Variants in MBP observed in about 807,000 individuals in gnomAD.
The protein encoded by MBP is Golli-MBP.
Under a neutral mutation model 35.8 loss-of-function variants are expected in MBP, and 16 were observed. The ratio of observed to expected loss-of-function variants is 0.45; its 90% CI spans 0.30 to 0.68. The LOEUF is 0.68. MBP is among the 30% of genes least tolerant of loss of function. The pLI is 0.08. For synonymous variants in MBP, 143 were observed against 159.6 expected, an observed-to-expected ratio of 0.90 and a Z score of 0.78; for missense variants, 380 against 404.7, an observed-to-expected ratio of 0.94 and a Z score of 0.52.
chr18:76,984,488 G>A, intron 8 of MBP: 1 of 385,388 alleles, frequency 2.6e-6, no homozygotes. Flanking sequence ...ACTCCAGCTG[G>A]GCCCTGCCCC....
rs149575527 is a variant in MBP at position 77,125,023 on chromosome 18, G to A, written c.-26+7557C>T. 5.5e-3 allele frequency among the ~76,000 whole-genome samples: 837 copies of A among 152,250 alleles called. 7 individuals are homozygous for A. The highest frequency in any genetic ancestry group is 0.019 in the African/African-American group (799 of 41,544). On this transcript the variant is annotated intron_variant, in intron 1 of 8. Coordinates refer to ENST00000355994, the MANE Select transcript of MBP (RefSeq NM_001025101.2). ...TCCTCTGAGGTCCCGGCTCCTGCCC[G>A]TTTCTGCACGCTTCTCTTTTTAGAT...
intron 2 of MBP, among the ~76,000 whole-genome samples, chr18:77,074,008 C>T (rs1974551451): frequency 6.6e-6 from 1 of 152,190 alleles, no homozygotes; most frequent in African/African-American, 2.4e-5. Flanking sequence ...CCACTAAGGC[C>T]AGGAGTAGTG....
intron 3 of MBP, among the ~76,000 whole-genome samples, chr18:77,065,375 C>T (rs1974153539): frequency 6.6e-6 from 1 of 152,120 alleles, no homozygotes; most frequent in African/African-American, 2.4e-5. Flanking sequence ...GGGGCCCCAC[C>T]CCAATGACCT....
At chr18:77,015,581 A>C (rs1277855062) in intron 4 of MBP, 5 of 985,498 alleles carry the variant, frequency 5.1e-6, no homozygotes, top group Non-Finnish European at 6.0e-6. Flanking sequence ...AATGTCATTT[A>C]CAAATAAGTC....
intron 2 of MBP, among the ~76,000 whole-genome samples, chr18:77,094,176 A>T (rs1274117757): frequency 6.6e-6 from 1 of 152,086 alleles, no homozygotes; most frequent in Non-Finnish European, 1.5e-5. Context: ...GGTTTTCACC[A>T]TGTTGGCCAG....
chr18:77,119,601 A>G (rs557947268), intron 1 of MBP, among the ~76,000 whole-genome samples: 183 of 152,266 alleles, frequency 1.2e-3, no homozygotes, highest in African/African-American at 4.1e-3. Context: ...CTCTTACCTC[A>G]AGCCGCGCCC....
At chr18:77,058,658 G>A (rs1973841359) in intron 3 of MBP, among the ~76,000 whole-genome samples, 1 of 152,230 alleles carries the variant, frequency 6.6e-6, no homozygotes, top group Non-Finnish European at 1.5e-5. Flanking sequence ...GGTGCCCAGA[G>A]CCATTTTAAT....
intron 1 of MBP, among the ~76,000 whole-genome samples, 189 bp from the exon 2 acceptor site, chr18:77,105,475 T>C (rs1263369769): frequency 1.3e-5 from 2 of 152,226 alleles, no homozygotes; most frequent in Admixed American, 1.3e-4. Context: ...TTCCATCCCA[T>C]GCAAAGAGCT....
chr18:76,989,631 G>A lies in MBP; in HGVS notation c.681+325C>T, dbSNP rs146943821. ...CTGTGCTCTCTCTGCTGCCCCCTCC[G>A]CTCCCAGCCCATGGCAAGCACTCTC... is the stretch of plus-strand genomic sequence containing the variant. On this transcript the variant is annotated intron_variant, in intron 5 of 8. Coordinates refer to ENST00000355994, the MANE Select transcript of MBP (RefSeq NM_001025101.2). The surrounding 1 kb of genome is among the most constrained non-coding windows in gnomAD (Gnocchi z 4.0). 0.017 allele frequency: 5,231 copies of A among 313,032 alleles called. 56 individuals are homozygous for A. The highest frequency in any genetic ancestry group is 0.025 in the Middle Eastern group (24 of 966). The allele number at this position is 313,032 out of a possible 1,614,324, so 19.4% of individuals were successfully genotyped here.
At chr18:76,986,170 T>A in intron 7 of MBP, 1 of 985,566 alleles carries the variant, frequency 1.0e-6, no homozygotes, top group Non-Finnish European at 1.2e-6. Flanking sequence ...GGGATCTTGG[T>A]TGGCCTCCTG....
chr18:77,029,000 A>G (rs1295289318), intron 3 of MBP, among the ~76,000 whole-genome samples: 13 of 109,662 alleles, frequency 1.2e-4, no homozygotes, highest in East Asian at 2.7e-4. Context: ...CTCACTTCCC[A>G]GACGGGGTGG....
At chr18:76,986,899 A>G (rs1344040421) in intron 7 of MBP, 2 of 985,322 alleles carry the variant, frequency 2.0e-6, no homozygotes, top group East Asian at 2.3e-4. Context: ...GGGAACCTAG[A>G]ATGTACCAGG....
chr18:76,992,589 T>C (rs892512331), intron 4 of MBP, among the ~76,000 whole-genome samples: 1 of 152,198 alleles, frequency 6.6e-6, no homozygotes, highest in Non-Finnish European at 1.5e-5. Flanking sequence ...AAGCTCTTTG[T>C]CCCCTGGGCC....
intron 3 of MBP, among the ~76,000 whole-genome samples, chr18:77,052,267 A>G (rs1402585643): frequency 1.3e-5 from 2 of 152,194 alleles, no homozygotes; most frequent in African/African-American, 4.8e-5. Flanking sequence ...AACCAAATAG[A>G]AGTGCTTTCA....
At chr18:76,999,977 T>C (rs1368014509) in intron 4 of MBP, among the ~76,000 whole-genome samples, 1 of 152,044 alleles carries the variant, frequency 6.6e-6, no homozygotes, top group Non-Finnish European at 1.5e-5. Context: ...AAAGAAGAAA[T>C]GGACACAGGG....
At chr18:77,011,266 C>T (rs929675393) in intron 4 of MBP, among the ~76,000 whole-genome samples, 2 of 152,134 alleles carry the variant, frequency 1.3e-5, no homozygotes, top group Admixed American at 1.3e-4. Context: ...CGTGGATAAG[C>T]CTGCGGGAGT....
At chr18:77,084,431 C>CACACACACACA (rs60600826) in intron 2 of MBP, among the ~76,000 whole-genome samples, 1,241 of 105,946 alleles carry the variant, frequency 0.012, 46 homozygotes, top group African/African-American at 0.014. Context: ...CCACACCACA[C>CACACACACACA]CACACACACA....
At chr18:77,093,242 C>T (rs113504940) in intron 2 of MBP, 5,983 of 152,328 alleles carry the variant, frequency 0.039, 179 homozygotes, top group Middle Eastern at 0.099. Context: ...GAGGCTCATA[C>T]GGCGGTCCCA....
intron 2 of MBP, among the ~76,000 whole-genome samples, chr18:77,066,894 T>C (rs908168760): frequency 3.3e-5 from 5 of 152,142 alleles, no homozygotes; most frequent in Non-Finnish European, 7.3e-5. Flanking sequence ...AAGCGGCCTG[T>C]TGTGGTGTTA....
Sources: allele counts gnomAD v4.1 joint callset (sites outside exome capture counted in the v4.1 genomes callset), GRCh38; gene constraint gnomAD v4.1.1; non-coding constraint Gnocchi (gnomAD v3.1); transcripts MANE v1.5; gene names NCBI Gene and HGNC (gene_info 2026-07-23, HGNC 2026-07-21).